Variants in EXOC2 observed in about 807,000 individuals in gnomAD.
EXOC2 encodes the protein exocyst complex component 2, also known as SEC5-like 1.
EXOC2 carries 70 observed loss-of-function variants against 131.8 expected under a neutral mutation model. The ratio of observed to expected loss-of-function variants is 0.53; its 90% confidence interval spans 0.44 to 0.65. The LOEUF (loss-of-function observed/expected upper bound fraction) is 0.65, where lower values mean the gene tolerates loss of function less well. EXOC2 is among the 30% of genes least tolerant of loss of function. The probability of loss-of-function intolerance (pLI) is 0.00; values close to 1 mark genes in which losing one functional copy is unlikely to be tolerated. For missense variants in EXOC2, 923 were observed against 1,108.6 expected (o/e 0.83, Z 2.38); for synonymous variants, 411 against 398.4 (o/e 1.03, Z -0.38).
chr6:600,621 G>A (rs1760078444), intron 7 of EXOC2, among the ~76,000 whole-genome samples: 1 of 151,814 alleles, frequency 6.6e-6, no homozygotes, highest in Non-Finnish European at 1.5e-5. Context: ...CAAAAAGTAT[G>A]AATTCAAAAT....
chr6:502,057 G>C (rs1437125265), intron 23 of EXOC2, among the ~76,000 whole-genome samples: 2 of 152,072 alleles, frequency 1.3e-5, no homozygotes, highest in African/African-American at 2.4e-5. Flanking sequence ...CATACCCTCT[G>C]GGCAGCCCCA....
At chr6:534,866 C>G (rs1346891540) in intron 22 of EXOC2, among the ~76,000 whole-genome samples, 1 of 152,154 alleles carries the variant, frequency 6.6e-6, no homozygotes, top group Admixed American at 6.6e-5. Flanking sequence ...ATTAGAGACT[C>G]CCTGGACATG....
At chr6:488,629 T>C (rs1168645801) in intron 27 of EXOC2, among the ~76,000 whole-genome samples, 1 of 152,182 alleles carries the variant, frequency 6.6e-6, no homozygotes, top group African/African-American at 2.4e-5. Context: ...TGCTGTCTTC[T>C]TTTTTCCATT....
intron 1 of EXOC2, chr6:656,078 T>C (rs1344445843): frequency 5.8e-6 from 9 of 1,540,726 alleles, no homozygotes; most frequent in Non-Finnish European, 7.1e-6. Flanking sequence ...GATCAAAACC[T>C]TAAAAAAAAA....
chr6:621,787 G>C (rs1173911305), intron 4 of EXOC2, among the ~76,000 whole-genome samples: 1 of 152,210 alleles, frequency 6.6e-6, no homozygotes, highest in Non-Finnish European at 1.5e-5. Flanking sequence ...CTGGGAGGGA[G>C]GTGGAGAACT....
intron 7 of EXOC2, among the ~76,000 whole-genome samples, chr6:600,286 C>T (rs918341221): frequency 2.6e-5 from 4 of 152,106 alleles, no homozygotes; most frequent in Non-Finnish European, 5.9e-5. Context: ...TCACCACATG[C>T]TATTTAAGTA....
At chr6:489,973 C>T (rs1763329316) in intron 26 of EXOC2, among the ~76,000 whole-genome samples, 1 of 152,212 alleles carries the variant, frequency 6.6e-6, no homozygotes, top group African/African-American at 2.4e-5. Context: ...GGACGGGTGG[C>T]TTGGCGCACT....
intron 25 of EXOC2, among the ~76,000 whole-genome samples, chr6:495,787 G>A (rs752953590): frequency 2.0e-4 from 30 of 152,132 alleles, no homozygotes; most frequent in Non-Finnish European, 4.1e-4. Context: ...TAACGATGTT[G>A]TTCATCCTTT....
At chr6:569,435 C>T (rs1022902099) in intron 13 of EXOC2, among the ~76,000 whole-genome samples, 3 of 152,154 alleles carry the variant, frequency 2.0e-5, no homozygotes, top group East Asian at 1.9e-4. Flanking sequence ...AAATTTTTAA[C>T]GGATGGGCTC....
At chr6:501,163 ATAT>A (rs1299790829) in intron 23 of EXOC2, among the ~76,000 whole-genome samples, 2 of 43,740 alleles carry the variant, frequency 4.6e-5, no homozygotes, top group Admixed American at 5.2e-4. Flanking sequence ...ATATCTATAT[ATAT>A]TATATATATC....
rs1302826216 is a variant in EXOC2, at chr6:633,074, C to T, written c.162G>A (p.Trp54Ter). Residue 54 changes from tryptophan (W) to a stop codon, truncating the protein, a stop_gained, in exon 3 of 28, where the codon TGG becomes TGA. Coordinates refer to ENST00000230449, the MANE Select transcript of EXOC2 (RefSeq NM_018303.6). LOFTEE classifies it high-confidence loss of function. ...CGHNCLLTAE[W>*]MSASKIVCRV... ...GACATACTATTTTACTTGCAGACAT[C>T]CATTCTGCCGTCAGGAGGCAATTAT... is the stretch of plus-strand genomic sequence containing the variant. 1.2e-6 allele frequency: 2 copies of T among 1,613,942 alleles called. No homozygotes were observed. Among genetic ancestry groups the T allele is most frequent in the Non-Finnish European group, 1.7e-6 (2 of 1,180,018 alleles).
At chr6:518,754 T>TA (rs34802610) in intron 23 of EXOC2, among the ~76,000 whole-genome samples, 2 of 152,160 alleles carry the variant, frequency 1.3e-5, no homozygotes, top group Admixed American at 6.5e-5. Flanking sequence ...GTTGTTTTCT[T>TA]AAAAAAAGAT....
At chr6:605,667 G>C (rs375825614) in intron 7 of EXOC2, among the ~76,000 whole-genome samples, 51 of 152,166 alleles carry the variant, frequency 3.4e-4, no homozygotes, top group Non-Finnish European at 6.6e-4. Context: ...TGGATTCACT[G>C]ATTTTTTGAA....
chr6:543,301 T>G (rs1026738055), intron 22 of EXOC2, among the ~76,000 whole-genome samples: 12 of 152,188 alleles, frequency 7.9e-5, no homozygotes, highest in African/African-American at 2.4e-4. Context: ...AGAAGGAAAT[T>G]CTGTCATCTG....
At chr6:658,667 T>TATTTTATATATATATATA (rs1561983437) in intron 1 of EXOC2, among the ~76,000 whole-genome samples, 2 of 65,202 alleles carry the variant, frequency 3.1e-5, no homozygotes, top group Non-Finnish European at 6.9e-5. Context: ...ATATATATAT[T>TATTTTATATATATATATA]TTTTTTTTTT....
chr6:527,606 A>C lies in EXOC2; in HGVS notation c.2380+4863T>G, dbSNP rs149360926. On this transcript the variant is annotated intron_variant, in intron 23 of 27. Transcript: ENST00000230449. ...GCACACCACTGACGGGCAGGAGGTT[A>C]CCCTACTCTAGGTTATATGCATCAT... is the stretch of plus-strand genomic sequence containing the variant. Among the ~76,000 whole-genome samples, 1,492 of 152,308 alleles carry C rather than the reference A, an allele frequency of 9.8e-3. 12 individuals are homozygous for C. Among genetic ancestry groups the C allele is most frequent in the Non-Finnish European group, 0.015 (1,035 of 68,030 alleles).
At chr6:592,325 CA>C in intron 11 of EXOC2, 143 bp downstream of exon 11, 21 of 693,724 alleles carry the variant, frequency 3.0e-5, no homozygotes, top group East Asian at 5.4e-5. Context: ...AACCAGTGGC[CA>C]AAAAAACCAC....
Position 522,880 on chromosome 6 carries a change from C to T in EXOC2, c.2380+9589G>A, listed in dbSNP as rs141456493. ...TAGACTGAGTACAGATGACCAGGAA[C>T]GGCTGGTATGAAGAGATGAGGCTTC... On this transcript the variant is annotated intron_variant, in intron 23 of 27. Transcript: ENST00000230449. Among the ~76,000 whole-genome samples, 7 of 152,294 alleles carry T rather than the reference C, an allele frequency of 4.6e-5. No homozygotes were observed. In the East Asian group the frequency reaches 9.7e-4, roughly 21 times the overall value.
At chr6:596,964 G>C (rs1759852043) in intron 10 of EXOC2, among the ~76,000 whole-genome samples, 1 of 152,138 alleles carries the variant, frequency 6.6e-6, no homozygotes, top group Admixed American at 6.5e-5. Context: ...TATGTGCCGG[G>C]TGAGGTATTA....
Sources: allele counts gnomAD v4.1 joint callset (sites outside exome capture counted in the v4.1 genomes callset), GRCh38; gene constraint gnomAD v4.1.1; transcripts MANE v1.5; gene names NCBI Gene and HGNC (gene_info 2026-07-23, HGNC 2026-07-21).